The following ZNF804B variants were observed in gnomAD, a reference collection of about 807,000 sequenced individuals.
ZNF804B encodes the protein zinc finger 804B.
In ZNF804B, 80 loss-of-function variants were observed where a neutral mutation model predicts 101.4. The ratio of observed to expected loss-of-function variants is 0.79; its 90% CI spans 0.66 to 0.95. The LOEUF (loss-of-function observed/expected upper bound fraction) is 0.95, where lower values mean the gene tolerates loss of function less well. Among genes scored for constraint, ZNF804B ranks in the 40% least tolerant of loss-of-function variants. The pLI is 0.00. For missense variants in ZNF804B, 1,673 were observed against 1,561.9 expected (o/e 1.07, Z -1.20); for synonymous variants, 622 against 558.8 (o/e 1.11, Z -1.59).
intron 1 of ZNF804B, among the ~76,000 whole-genome samples, chr7:88,865,518 C>T (rs1267983895): frequency 1.3e-5 from 2 of 152,128 alleles, no homozygotes; most frequent in Non-Finnish European, 2.9e-5. Flanking sequence ...GGTGACAGAG[C>T]AAGACCCTGT....
intron 1 of ZNF804B, among the ~76,000 whole-genome samples, chr7:88,943,009 G>C (rs1793076994): frequency 6.6e-6 from 1 of 151,906 alleles, no homozygotes; most frequent in African/African-American, 2.4e-5. Flanking sequence ...GTATGGGTGT[G>C]ACTTGTCATG....
chr7:89,296,969 A>G (rs10244277), intron 2 of ZNF804B, among the ~76,000 whole-genome samples: 35,297 of 152,036 alleles, frequency 0.23, 4,437 homozygotes, highest in Admixed American at 0.28. Flanking sequence ...AAATATGACT[A>G]CTTATAGTTT....
At chr7:89,179,993 C>G (rs555468078) in intron 1 of ZNF804B, among the ~76,000 whole-genome samples, 1 of 152,234 alleles carries the variant, frequency 6.6e-6, no homozygotes, top group African/African-American at 2.4e-5. Context: ...CTTACCTTTT[C>G]CTAAACTAAC....
At chr7:88,895,718 T>C (rs1792274261) in intron 1 of ZNF804B, among the ~76,000 whole-genome samples, 1 of 152,130 alleles carries the variant, frequency 6.6e-6, no homozygotes, top group Admixed American at 6.6e-5. Context: ...AAGAAAACTA[T>C]GAAGGTTTGT....
At chr7:89,327,322 T>C (rs763293539) in intron 2 of ZNF804B, 22 bp from the exon 3 acceptor site, 22 of 1,571,750 alleles carry the variant, frequency 1.4e-5, no homozygotes, top group Non-Finnish European at 1.8e-5. Context: ...TAGTACCTTT[T>C]TGGTTTTTCT....
chr7:89,148,639 A>T (rs1274310122), intron 1 of ZNF804B, among the ~76,000 whole-genome samples: 6 of 152,080 alleles, frequency 3.9e-5, no homozygotes, highest in Non-Finnish European at 7.4e-5. Context: ...ATCTCTAAAG[A>T]TATAAAAATC....
intron 1 of ZNF804B, among the ~76,000 whole-genome samples, chr7:88,810,183 GCA>G (rs1454188455): frequency 6.6e-6 from 1 of 151,514 alleles, no homozygotes; most frequent in Non-Finnish European, 1.5e-5. Context: ...TGATAATGTT[GCA>G]CACTCTCACT....
intron 1 of ZNF804B, among the ~76,000 whole-genome samples, chr7:89,191,001 C>A (rs1011825194): frequency 1.1e-4 from 17 of 152,106 alleles, no homozygotes; most frequent in African/African-American, 4.1e-4. Context: ...TGCTTCATTG[C>A]AATGTTTGCT....
intron 2 of ZNF804B, among the ~76,000 whole-genome samples, chr7:89,275,319 A>C (rs527319727): frequency 6.6e-6 from 1 of 152,148 alleles, no homozygotes; most frequent in African/African-American, 2.4e-5. Flanking sequence ...ATAGCTTTAT[A>C]ACCAATCTAC....
chr7:89,022,137 C>T (rs1788677828), intron 1 of ZNF804B, among the ~76,000 whole-genome samples: 1 of 152,094 alleles, frequency 6.6e-6, no homozygotes, highest in Non-Finnish European at 1.5e-5. Flanking sequence ...CAGGATGGCT[C>T]ATTAGTCTCT....
intron 1 of ZNF804B, among the ~76,000 whole-genome samples, chr7:89,136,329 G>A (rs545184012): frequency 6.6e-6 from 1 of 151,772 alleles, no homozygotes; most frequent in Non-Finnish European, 1.5e-5. Context: ...GTATTTTTTT[G>A]GGGGGGTCTC....
At chr7:89,002,468 A>C (rs1788304517) in intron 1 of ZNF804B, among the ~76,000 whole-genome samples, 1 of 151,882 alleles carries the variant, frequency 6.6e-6, no homozygotes, top group Admixed American at 6.6e-5. Flanking sequence ...AGCAGTTTAC[A>C]TGCAGTGTAT....
intron 2 of ZNF804B, among the ~76,000 whole-genome samples, chr7:89,244,644 T>C (rs1789416275): frequency 6.6e-6 from 1 of 152,108 alleles, no homozygotes; most frequent in Non-Finnish European, 1.5e-5. Flanking sequence ...AACAGCTTCA[T>C]AGCACCTGGA....
intron 1 of ZNF804B, among the ~76,000 whole-genome samples, chr7:89,021,468 A>G (rs1788666594): frequency 6.6e-6 from 1 of 152,122 alleles, no homozygotes; most frequent in Admixed American, 6.5e-5. Context: ...CTGTTTCTCA[A>G]GCCCTAGATA....
At chr7:89,021,038 T>G (rs1788658768) in intron 1 of ZNF804B, among the ~76,000 whole-genome samples, 1 of 152,266 alleles carries the variant, frequency 6.6e-6, no homozygotes, top group East Asian at 1.9e-4. Flanking sequence ...TTTTAATATC[T>G]GAGGCATCCC....
chr7:89,072,581 G>A (rs1562876784), intron 1 of ZNF804B, among the ~76,000 whole-genome samples: 1 of 152,022 alleles, frequency 6.6e-6, no homozygotes, highest in Non-Finnish European at 1.5e-5. Flanking sequence ...CTCTTTTGGA[G>A]TATATGAATA....
intron 1 of ZNF804B, among the ~76,000 whole-genome samples, chr7:89,139,079 A>G (rs762586241): frequency 6.6e-5 from 10 of 152,124 alleles, no homozygotes; most frequent in Non-Finnish European, 1.0e-4. Context: ...CCAGACCACT[A>G]CAATAAAGCA....
intron 1 of ZNF804B, among the ~76,000 whole-genome samples, chr7:88,994,244 A>G (rs1324010568): frequency 6.6e-6 from 1 of 152,008 alleles, no homozygotes; most frequent in Non-Finnish European, 1.5e-5. Flanking sequence ...AGTTCTAGAA[A>G]TCATTGAGAT....
intron 1 of ZNF804B, among the ~76,000 whole-genome samples, chr7:88,924,101 T>A (rs1367246665): frequency 6.6e-6 from 1 of 152,106 alleles, no homozygotes; most frequent in Non-Finnish European, 1.5e-5. Context: ...GGTCAGAGGA[T>A]GTATGTGTTT....
Sources: allele counts gnomAD v4.1 joint callset (sites outside exome capture counted in the v4.1 genomes callset), GRCh38; gene constraint gnomAD v4.1.1; transcripts MANE v1.5; gene names NCBI Gene and HGNC (gene_info 2026-07-23, HGNC 2026-07-21).